Variants in MIER2 observed in about 807,000 individuals in gnomAD.
MIER2 encodes the protein MIER family member 2.
In MIER2, 30 loss-of-function variants were observed where a neutral mutation model predicts 67.6. That is an observed-to-expected ratio of 0.44 (90% CI 0.33 to 0.60). The LOEUF (loss-of-function observed/expected upper bound fraction) is 0.60, where lower values mean the gene tolerates loss of function less well. Among genes scored for constraint, MIER2 ranks in the 20% least tolerant of loss-of-function variants. The pLI, the probability that MIER2 is intolerant of heterozygous loss-of-function variation, is 0.02. For synonymous variants in MIER2, 372 were observed against 312.6 expected (o/e 1.19, Z -2.00); for missense variants, 702 against 745.1 (o/e 0.94, Z 0.67).
In MIER2 at chr19:333,139, C is replaced by A. The variant is rs1173548940; in HGVS notation, c.243+1261G>T. 4.2e-5 allele frequency among the ~76,000 whole-genome samples: 4 copies of A among 96,054 alleles called. 1 individual carries two copies. Among genetic ancestry groups the A allele is most frequent in the Non-Finnish European group, 7.7e-5 (4 of 51,632 alleles). 63.0% of individuals were successfully genotyped at this position (96,054 alleles called of 152,430 possible). ...TCCCGAGTAGCTGGGACTACAGTCA[C>A]CCGCCACTATGCCCGGCTAATTTTG... On this transcript the variant is annotated intron_variant, in intron 3 of 13. Coordinates refer to ENST00000264819, the MANE Select transcript of MIER2 (RefSeq NM_017550.3).
intron 10 of MIER2, 75 bp downstream of exon 10, chr19:311,770 G>A (rs560952494): frequency 7.0e-7 from 1 of 1,427,594 alleles, no homozygotes; most frequent in African/African-American, 1.4e-5. Flanking sequence ...TCGGCCGTGT[G>A]CTGTGTGCCT....
chr19:340,261 G>A (rs1452789491), intron 1 of MIER2, among the ~76,000 whole-genome samples: 1 of 152,156 alleles, frequency 6.6e-6, no homozygotes, highest in East Asian at 1.9e-4. Flanking sequence ...GAACACAACG[G>A]CTAGTACAGT....
At chr19:307,702 G>A (rs1430002514) in intron 12 of MIER2, among the ~76,000 whole-genome samples, 166 bp from the exon 13 acceptor site, 1 of 152,062 alleles carries the variant, frequency 6.6e-6, no homozygotes, top group Non-Finnish European at 1.5e-5. Flanking sequence ...GCGAGCCCCA[G>A]GTTAAGGGTC....
At chr19:313,370 C>A (rs1261282705) in intron 8 of MIER2, 122 bp downstream of exon 8, 1 of 1,467,922 alleles carries the variant, frequency 6.8e-7, no homozygotes, top group Non-Finnish European at 9.1e-7. Context: ...GCCCTGGCCC[C>A]CACACACCTG....
intron 7 of MIER2, among the ~76,000 whole-genome samples, chr19:319,586 G>A (rs1174586227): frequency 6.6e-6 from 1 of 152,120 alleles, no homozygotes; most frequent in African/African-American, 2.4e-5. Context: ...AGCCTCTCCA[G>A]TAGCTGGGAC....
chr19:327,940 G>A lies in MIER2; in HGVS notation c.293C>T (p.Ala98Val), dbSNP rs369914290. The A allele has an allele frequency of 7.4e-6, 12 of 1,612,924 alleles. No homozygotes were observed. Among genetic ancestry groups the A allele is most frequent in the African/African-American group, 6.7e-5 (5 of 74,924 alleles). ...DELLALYGYE[A>V]SDPISDRESE... is the part of the protein sequence containing the mutation. ...CTCCCGGTCTGAAATGGGGTCTGAC[G>A]CCTCGTAGCCATAGAGCGCAAGCAG... is the stretch of plus-strand genomic sequence containing the variant. The change falls in exon 4 of 14, where the codon GCG becomes GTG. Residue 98 changes from alanine to valine, a missense_variant. Physicochemically the swap from Ala to Val is moderately conservative, Grantham distance 64 (BLOSUM62 0). Transcript: ENST00000264819.
chr19:316,385 G>A (rs112519633), intron 7 of MIER2, among the ~76,000 whole-genome samples: 37,440 of 151,624 alleles, frequency 0.25, 4,969 homozygotes, highest in Middle Eastern at 0.31. Context: ...CTCCATCTCC[G>A]GGGTTCAAGC....
chr19:314,910 C>T (rs954785482), intron 7 of MIER2, among the ~76,000 whole-genome samples: 5 of 151,860 alleles, frequency 3.3e-5, no homozygotes, highest in Non-Finnish European at 7.4e-5. Context: ...TCCATCTCTA[C>T]AAAAAATTTC....
In MIER2 at chr19:308,546, C is replaced by T; in HGVS notation, c.1198+31G>A. 8 of 1,561,024 alleles carry T rather than the reference C, an allele frequency of 5.1e-6. No homozygotes were observed. Among genetic ancestry groups the T allele is most frequent in the Non-Finnish European group, 6.9e-6 (8 of 1,153,112 alleles). ...TCACGGCTCCAGACCCGTGGCCGCC[C>T]CCAGGGCAGGAGATACTCCCCAAGC... On this transcript the variant is annotated intron_variant, in intron 12 of 13. Coordinates refer to ENST00000264819, the MANE Select transcript of MIER2 (RefSeq NM_017550.3). The surrounding 1 kb of genome is among the most constrained non-coding windows in gnomAD (Gnocchi z 9.1).
At chr19:335,325 C>A (rs1223454721) in intron 2 of MIER2, among the ~76,000 whole-genome samples, 1 of 152,248 alleles carries the variant, frequency 6.6e-6, no homozygotes, top group Non-Finnish European at 1.5e-5. Context: ...GTGCACCACA[C>A]ACAGCCCATG....
chr19:316,539 C>T (rs988508296), intron 7 of MIER2, among the ~76,000 whole-genome samples: 1 of 152,220 alleles, frequency 6.6e-6, no homozygotes, highest in African/African-American at 2.4e-5. Flanking sequence ...ATCTGCCTGC[C>T]TCGGCCTCCC....
In MIER2 at chr19:312,282, G is replaced by A. The variant is rs1441942033; in HGVS notation, c.808-10C>T. The A allele has an allele frequency of 1.9e-6, 3 of 1,613,246 alleles. No individual in the cohort carries two copies. The highest frequency in any genetic ancestry group is 1.3e-5 in the African/African-American group (1 of 74,892). ...CCAACTCGTACAGCGCCTGGGGAGAGGACATGTTGGCTCTTCCATGGGCTC... is the reference window on the plus strand; with the variant it reads ...CCAACTCGTACAGCGCCTGGGGAGAAGACATGTTGGCTCTTCCATGGGCTC... On this transcript the variant is annotated splice_polypyrimidine_tract_variant and intron_variant, in intron 8 of 13. Coordinates refer to ENST00000264819, the MANE Select transcript of MIER2 (RefSeq NM_017550.3).
intron 7 of MIER2, among the ~76,000 whole-genome samples, chr19:325,061 T>A (rs1232144703): frequency 6.6e-6 from 1 of 152,180 alleles, no homozygotes; most frequent in African/African-American, 2.4e-5. Context: ...TGGAGAAGGC[T>A]CCTGAGCTAG....
chr19:308,262 GCAGGAAGGC>G lies in MIER2; in HGVS notation c.1198+306_1198+314del, dbSNP rs1173944040. ...TGACGGGCTAAGTCCCCACCCTGGG[GCAGGAAGGC>G]CCTCCCCGGAGACTGAGGCCTGGTA... On this transcript the variant is annotated intron_variant, in intron 12 of 13. Transcript: ENST00000264819. The surrounding 1 kb of genome is among the most constrained non-coding windows in gnomAD (Gnocchi z 9.1). Among the ~76,000 whole-genome samples the G allele has an allele frequency of 4.6e-5, 7 of 152,304 alleles. No individual in the cohort carries two copies. Among genetic ancestry groups the G allele is most frequent in the African/African-American group, 1.7e-4 (7 of 41,564 alleles).
rs1970657579 is a variant in MIER2, at chr19:306,547, C to G, written c.*143G>C. On this transcript the variant is annotated 3_prime_UTR_variant, in exon 14 of 14. Transcript: ENST00000264819. ...GGGCTCACGGCCCAGCCACCTCACC[C>G]CAGTCCTGACGTGTTCTGAAGCAGA... The G allele has an allele frequency of 6.2e-6, 7 of 1,135,328 alleles. No homozygotes were observed. The highest frequency in any genetic ancestry group is 1.5e-5 in the African/African-American group (1 of 64,932). 70.3% of individuals were successfully genotyped at this position (1,135,328 alleles called of 1,614,324 possible).
rs1970780514 is a variant in MIER2, at chr19:308,665, C to T, written c.1110G>A (p.Thr370=). The change falls in exon 12 of 14, where the codon ACG becomes ACA. Residue 370 remains threonine (T), a splice_region_variant and synonymous_variant. Transcript: ENST00000264819. The surrounding 1 kb of genome is among the most constrained non-coding windows in gnomAD (Gnocchi z 9.1). The part of the protein sequence containing the change: ...GRRKYVPSGT[T]DADQDLDGSD... ...TGCCATCCAGGTCCTGGTCTGCGTC[C>T]CTGTGGGGAGAGGGCGCCATGAGGG... 1 of 1,601,602 alleles carries T rather than the reference C, an allele frequency of 6.2e-7. No individual in the cohort carries two copies. The highest frequency in any genetic ancestry group is 8.5e-7 in the Non-Finnish European group (1 of 1,175,542).
intron 13 of MIER2, 124 bp from the exon 14 acceptor site, chr19:306,835 C>T (rs1356718365): frequency 3.9e-5 from 58 of 1,472,680 alleles, no homozygotes; most frequent in African/African-American, 7.0e-5. Context: ...CTATGGCAGC[C>T]GGGCCCGGGG....
intron 3 of MIER2, chr19:330,148 T>G (rs1294850862): frequency 2.0e-5 from 3 of 152,134 alleles, no homozygotes; most frequent in Non-Finnish European, 4.4e-5. Flanking sequence ...CCAGGGGGGC[T>G]GTTACTGCAA....
intron 10 of MIER2, among the ~76,000 whole-genome samples, chr19:311,200 G>A (rs544918857): frequency 2.6e-5 from 4 of 152,376 alleles, no homozygotes; most frequent in South Asian, 2.1e-4. Flanking sequence ...CAACCGGGGC[G>A]TGGACAGAGG....
Sources: allele counts gnomAD v4.1 joint callset (sites outside exome capture counted in the v4.1 genomes callset), GRCh38; gene constraint gnomAD v4.1.1; non-coding constraint Gnocchi (gnomAD v3.1); transcripts MANE v1.5; gene names NCBI Gene and HGNC (gene_info 2026-07-23, HGNC 2026-07-21).